PCBP3: variants seen among roughly 807,000 people sequenced by gnomAD.
PCBP3 encodes the protein poly(rC) binding protein 3.
PCBP3 carries 25 observed loss-of-function variants against 52.7 expected under a neutral mutation model. That is an observed-to-expected ratio of 0.47 (90% CI 0.35 to 0.66). The LOEUF (loss-of-function observed/expected upper bound fraction) is 0.66, where lower values mean the gene tolerates loss of function less well. PCBP3 is among the 30% of genes least tolerant of loss of function. PCBP3 has a pLI of 0.01. For synonymous variants in PCBP3, 162 were observed against 183.0 expected (o/e 0.89, Z 0.93); for missense variants, 391 against 490.3 (o/e 0.80, Z 1.91).
intron 13 of PCBP3, among the ~76,000 whole-genome samples, chr21:45,922,377 G>A (rs1312964920): frequency 6.6e-6 from 1 of 152,084 alleles, no homozygotes; most frequent in East Asian, 1.9e-4. Context: ...AAAAGAGCAA[G>A]ACCCCATTTC....
Position 45,853,513 on chromosome 21 carries a change from G to T in PCBP3, c.10+3418G>T, listed in dbSNP as rs1231920182. 6.6e-6 allele frequency among the ~76,000 whole-genome samples: 1 copy of T among 152,236 alleles called. No homozygotes were observed. Among genetic ancestry groups the T allele is most frequent in the Non-Finnish European group, 1.5e-5 (1 of 68,036 alleles). ...AGCAGCCCGAGCAAGCAGCTCACGGGCCCCAGCGACAGAATTTTCTGGGGT... is the reference window on the plus strand; with the variant it reads ...AGCAGCCCGAGCAAGCAGCTCACGGTCCCCAGCGACAGAATTTTCTGGGGT... On this transcript the variant is annotated intron_variant, in intron 5 of 17. Coordinates refer to ENST00000681687, the MANE Select transcript of PCBP3 (RefSeq NM_001384156.1). The surrounding 1 kb of genome is among the most constrained non-coding windows in gnomAD (Gnocchi z 4.6).
chr21:45,795,197 T>C (rs2091857641), intron 4 of PCBP3, among the ~76,000 whole-genome samples: 1 of 152,110 alleles, frequency 6.6e-6, no homozygotes, highest in African/African-American at 2.4e-5. Context: ...AATGGGAAAT[T>C]TCAATTGACA....
At chr21:45,897,946 C>T (rs926107727) in intron 6 of PCBP3, among the ~76,000 whole-genome samples, 5 of 152,322 alleles carry the variant, frequency 3.3e-5, no homozygotes, top group Middle Eastern at 3.4e-3. Context: ...AGTATCTGTG[C>T]GTGGCCTCCC....
At chr21:45,844,427 G>A (rs1376905869) in intron 4 of PCBP3, among the ~76,000 whole-genome samples, 2 of 152,126 alleles carry the variant, frequency 1.3e-5, no homozygotes, top group African/African-American at 4.8e-5. Flanking sequence ...AGGTGAGGGA[G>A]CCCTGGGGTC....
At chr21:45,732,301 A>G (rs1273470173) in intron 2 of PCBP3, among the ~76,000 whole-genome samples, 1 of 152,038 alleles carries the variant, frequency 6.6e-6, no homozygotes, top group South Asian at 2.1e-4. Context: ...AATTAATTAT[A>G]TTGTGTATAT....
chr21:45,738,168 A>T (rs1459082731), intron 3 of PCBP3, among the ~76,000 whole-genome samples: 4 of 152,168 alleles, frequency 2.6e-5, no homozygotes, highest in Non-Finnish European at 5.9e-5. Flanking sequence ...AGGAAATAAG[A>T]AGTAGTAATG....
rs760812561 is a variant in PCBP3, at chr21:45,911,018, G to A, written c.588G>A (p.Val196=). The change falls in exon 11 of 18, where the codon GTG becomes GTA. Residue 196 remains valine, a synonymous_variant. Transcript: ENST00000681687. ...AIIQCVKQIC[V]VMLESPPKGA... ...TCCAGTGCGTCAAGCAGATCTGTGT[G>A]GTCATGCTGGAGGTACCGTCTGCGC... is the stretch of plus-strand genomic sequence containing the variant. 6.2e-7 allele frequency: 1 copy of A among 1,610,670 alleles called. No homozygotes were observed. Among genetic ancestry groups the A allele is most frequent in the East Asian group, 2.2e-5 (1 of 44,872 alleles).
chr21:45,915,332 G>A (rs922273930), intron 12 of PCBP3: 3 of 152,226 alleles, frequency 2.0e-5, no homozygotes, highest in Admixed American at 6.5e-5. Flanking sequence ...GGAGTCACAC[G>A]GCGGGAGAAG....
intron 4 of PCBP3, among the ~76,000 whole-genome samples, chr21:45,790,427 A>G (rs570551207): frequency 6.6e-6 from 1 of 152,344 alleles, no homozygotes; most frequent in Non-Finnish European, 1.5e-5. Flanking sequence ...CCATTCAGGC[A>G]GAGCAGTGAG....
intron 5 of PCBP3, among the ~76,000 whole-genome samples, chr21:45,887,443 C>T (rs1162707253): frequency 1.3e-5 from 2 of 152,218 alleles, no homozygotes; most frequent in Non-Finnish European, 2.9e-5. Flanking sequence ...CAGCATCAGT[C>T]CTTCCATCTG....
chr21:45,892,549 G>A (rs2839037), intron 5 of PCBP3, among the ~76,000 whole-genome samples: 64,581 of 142,736 alleles, frequency 0.45, 16,950 homozygotes, highest in African/African-American at 0.69. Context: ...GTACCAGACC[G>A]TGTTCATGTT....
chr21:45,715,421 G>A (rs1470503444), intron 2 of PCBP3, among the ~76,000 whole-genome samples: 1 of 152,106 alleles, frequency 6.6e-6, no homozygotes, highest in African/African-American at 2.4e-5. Context: ...GTAGTTTTTG[G>A]TATTAATATA....
intron 5 of PCBP3, among the ~76,000 whole-genome samples, chr21:45,879,886 G>T (rs990960141): frequency 4.0e-5 from 6 of 151,836 alleles, no homozygotes; most frequent in Non-Finnish European, 7.4e-5. Context: ...GCTTCCACTT[G>T]AAGAAACTTT....
At chr21:45,799,741 G>C (rs1421445375) in intron 4 of PCBP3, among the ~76,000 whole-genome samples, 2 of 152,188 alleles carry the variant, frequency 1.3e-5, no homozygotes, top group Non-Finnish European at 2.9e-5. Context: ...GGGCCACCCA[G>C]AGCCTGGGGT....
chr21:45,775,151 G>A (rs1183091819), intron 4 of PCBP3, among the ~76,000 whole-genome samples: 1 of 152,100 alleles, frequency 6.6e-6, no homozygotes, highest in Non-Finnish European at 1.5e-5. Flanking sequence ...GGACTTTTCT[G>A]TATTGGGAGG....
chr21:45,646,469 C>T (rs1403431749), intron 1 of PCBP3, among the ~76,000 whole-genome samples: 2 of 151,964 alleles, frequency 1.3e-5, no homozygotes, highest in African/African-American at 4.8e-5. Context: ...AGTTTGTTTT[C>T]TTTTGCTTAT....
At position 45,850,075 on chromosome 21, in the gene PCBP3, A is replaced by G. The variant is rs1298372677; in HGVS notation, c.-11A>G. On this transcript the variant is annotated 5_prime_UTR_variant, in exon 5 of 18. Coordinates refer to ENST00000681687, the MANE Select transcript of PCBP3 (RefSeq NM_001384156.1). Reference sequence around the variant, plus strand: ...TGTCTATGGATCTGCTCTAAACCTTATAGCCTGCTTATGGGGGAAGGTGAG... The same window carrying G: ...TGTCTATGGATCTGCTCTAAACCTTGTAGCCTGCTTATGGGGGAAGGTGAG... The G allele has an allele frequency of 1.3e-6, 2 of 1,550,066 alleles. No homozygotes were observed. The highest frequency in any genetic ancestry group is 1.7e-6 in the Non-Finnish European group (2 of 1,145,606).
At chr21:45,697,150 G>C (rs1411364706) in intron 2 of PCBP3, among the ~76,000 whole-genome samples, 1 of 152,184 alleles carries the variant, frequency 6.6e-6, no homozygotes, top group Non-Finnish European at 1.5e-5. Flanking sequence ...ATGTGCAAGA[G>C]AAATATGCAC....
intron 2 of PCBP3, among the ~76,000 whole-genome samples, chr21:45,716,485 T>C (rs2084232183): frequency 6.6e-6 from 1 of 152,158 alleles, no homozygotes; most frequent in Non-Finnish European, 1.5e-5. Context: ...CTTTGGTTTC[T>C]TCTGGGGACT....
Sources: gnomAD v4.1 joint callset for allele counts (sites outside exome capture counted in the v4.1 genomes callset) on GRCh38, gnomAD v4.1.1 for gene constraint, Gnocchi (gnomAD v3.1) non-coding constraint, MANE v1.5 for transcripts, NCBI Gene and HGNC (gene_info 2026-07-23, HGNC 2026-07-21) for gene names.